Variants in RAB33B observed in about 807,000 individuals in gnomAD.
RAB33B encodes the protein RAB33B, member RAS oncogene family.
RAB33B carries 6 observed loss-of-function variants against 15.0 expected under a neutral mutation model. The observed-to-expected ratio is 0.40, with a 90% CI of 0.22 to 0.79. The LOEUF (loss-of-function observed/expected upper bound fraction) is 0.79. Among genes scored for constraint, RAB33B ranks in the 30% least tolerant of loss-of-function variants. RAB33B has a pLI of 0.37. For missense variants in RAB33B, 257 were observed against 296.4 expected (o/e 0.87, Z 0.98); for synonymous variants, 117 against 108.3 (o/e 1.08, Z -0.50).
Position 139,476,424 on chromosome 4 carries a change from A to G in RAB33B, c.*3298A>G, listed in dbSNP as rs1040465870. 5.9e-5 allele frequency: 9 copies of G among 152,216 alleles called. No individual in the cohort carries two copies. The highest frequency in any genetic ancestry group is 1.9e-4 in the African/African-American group (8 of 41,450). The allele number at this position is 152,216 out of a possible 1,614,324, so 9.4% of individuals were successfully genotyped here. A position where few individuals can be genotyped will look rare whatever the true frequency, so the allele number is the denominator to read the frequency against. On this transcript the variant is annotated 3_prime_UTR_variant, in exon 2 of 2. Transcript: ENST00000305626. ...ACCCTTGTGTTCAAACACAAAATTGACATTATTCATGAAGGACTGCTTTCT... is the reference window on the plus strand; with the variant it reads ...ACCCTTGTGTTCAAACACAAAATTGGCATTATTCATGAAGGACTGCTTTCT...
upstream of RAB33B, chr4:139,452,085 G>T (rs1473445718): frequency 6.6e-6 from 1 of 152,188 alleles, no homozygotes; most frequent in Non-Finnish European, 1.5e-5. Flanking sequence ...TGCCAACAAT[G>T]ATTTTTAAAA....
chr4:139,461,552 C>A (rs866534133), intron 1 of RAB33B, among the ~76,000 whole-genome samples: 7 of 151,812 alleles, frequency 4.6e-5, no homozygotes, highest in African/African-American at 1.5e-4. Flanking sequence ...TGCTAAGCCC[C>A]AAATCAATAT....
intron 1 of RAB33B, among the ~76,000 whole-genome samples, chr4:139,467,353 C>T (rs1461177705): frequency 1.2e-5 from 1 of 82,100 alleles, no homozygotes; most frequent in Non-Finnish European, 2.7e-5. Context: ...ACAGGGTTTC[C>T]CTATGTTGTT....
At chr4:139,445,107 G>C in the RAB33B span, among the ~76,000 whole-genome samples, 1 of 152,236 alleles carries the variant, frequency 6.6e-6, no homozygotes, top group Non-Finnish European at 1.5e-5. Context: ...TGTGGCTGCT[G>C]TATCAGATGC....
chr4:139,454,551 C>T (rs1750025913), intron 1 of RAB33B, 107 bp downstream of exon 1: 2 of 1,292,944 alleles, frequency 1.5e-6, no homozygotes, highest in Non-Finnish European at 2.1e-6. Context: ...CCATTTTTTT[C>T]TCACGCTGAT....
intron 1 of RAB33B, among the ~76,000 whole-genome samples, chr4:139,468,314 C>T (rs1750329338): frequency 6.6e-6 from 1 of 152,212 alleles, no homozygotes; most frequent in Non-Finnish European, 1.5e-5. Context: ...TTACCTCTCA[C>T]AGGGTCCCTC....
At chr4:139,468,166 A>G (rs1455046885) in intron 1 of RAB33B, among the ~76,000 whole-genome samples, 2 of 152,290 alleles carry the variant, frequency 1.3e-5, no homozygotes, top group East Asian at 3.9e-4. Flanking sequence ...GCAGAAGGTG[A>G]AAGGCATATC....
chr4:139,448,848 ATGTG>A (rs1407812573), upstream of RAB33B: 1 of 152,282 alleles, frequency 6.6e-6, no homozygotes, highest in African/African-American at 2.4e-5. Flanking sequence ...ATGAATGTGA[ATGTG>A]TAAGTGCACG....
intron 1 of RAB33B, among the ~76,000 whole-genome samples, chr4:139,469,231 A>G (rs758461860): frequency 6.6e-6 from 1 of 152,148 alleles, no homozygotes; most frequent in Non-Finnish European, 1.5e-5. Flanking sequence ...TAGATCCTGT[A>G]GGCGTGCTCC....
intron 1 of RAB33B, among the ~76,000 whole-genome samples, chr4:139,465,643 G>A (rs75603856): frequency 0.02 from 3,118 of 152,240 alleles, 96 homozygotes; most frequent in African/African-American, 0.069. Flanking sequence ...TTATTAAATA[G>A]GGAATGGGAA....
At chr4:139,453,734 T>G (rs1318823289), upstream of RAB33B, 1 of 153,158 alleles carries the variant, frequency 6.5e-6, no homozygotes, top group Non-Finnish European at 1.5e-5. Flanking sequence ...TGCGGCCCTC[T>G]CGCGAGAGAG....
chr4:139,460,154 G>T (rs1046975435), intron 1 of RAB33B, among the ~76,000 whole-genome samples: 3 of 152,168 alleles, frequency 2.0e-5, no homozygotes, highest in African/African-American at 7.2e-5. Flanking sequence ...TGTGAGTCTG[G>T]GTGACAGGAG....
rs1285614909 is a variant in RAB33B, at chr4:139,473,163, A to T, written c.*37A>T. ...TATTATATTATCTAATTTTGACTAA[A>T]GAAATACTTTTGAAGTATGACAGTA... is the stretch of plus-strand genomic sequence containing the variant. On this transcript the variant is annotated 3_prime_UTR_variant, in exon 2 of 2. Transcript: ENST00000305626. The T allele has an allele frequency of 6.7e-7, 1 of 1,501,662 alleles. No homozygotes were observed. The highest frequency in any genetic ancestry group is 1.4e-5 in the African/African-American group (1 of 70,602). The allele number at this position is 1,501,662 out of a possible 1,614,324, so 93.0% of individuals were successfully genotyped here.
intron 1 of RAB33B, among the ~76,000 whole-genome samples, chr4:139,468,048 T>C (rs1295432993): frequency 2.0e-5 from 3 of 151,662 alleles, no homozygotes; most frequent in Admixed American, 6.6e-5. Context: ...GTAACCATTT[T>C]CAACTCTCTA....
chr4:139,454,834 C>T (rs1029183421), intron 1 of RAB33B, among the ~76,000 whole-genome samples: 1 of 151,992 alleles, frequency 6.6e-6, no homozygotes, highest in Non-Finnish European at 1.5e-5. Flanking sequence ...TGAAATTGCG[C>T]GAGAATGGAA....
At chr4:139,459,500 C>G (rs1750129079) in intron 1 of RAB33B, among the ~76,000 whole-genome samples, 1 of 152,152 alleles carries the variant, frequency 6.6e-6, no homozygotes, top group South Asian at 2.1e-4. Context: ...TCTTTTAGCA[C>G]CTTACCTGAA....
chr4:139,447,416 C>T, the RAB33B span, among the ~76,000 whole-genome samples: 1 of 152,134 alleles, frequency 6.6e-6, no homozygotes, highest in African/African-American at 2.4e-5. Flanking sequence ...CTTAGAGAGT[C>T]ACTAGCAAAA....
intron 1 of RAB33B, among the ~76,000 whole-genome samples, chr4:139,463,378 C>T (rs1380205548): frequency 2.0e-5 from 3 of 152,126 alleles, no homozygotes; most frequent in Admixed American, 2.0e-4. Flanking sequence ...TCAAGTGATC[C>T]ACCCACCTCG....
At chr4:139,451,299 CAA>C (rs940293047), upstream of RAB33B, 1 of 150,962 alleles carries the variant, frequency 6.6e-6, no homozygotes, top group African/African-American at 2.4e-5. Flanking sequence ...CTCCTGGGCT[CAA>C]GAGATCCTCC....
Sources: allele counts gnomAD v4.1 joint callset (sites outside exome capture counted in the v4.1 genomes callset), GRCh38; gene constraint gnomAD v4.1.1; transcripts MANE v1.5; gene names NCBI Gene and HGNC (gene_info 2026-07-23, HGNC 2026-07-21).